DNAH14: variants seen among roughly 807,000 people sequenced by gnomAD.
DNAH14 encodes dynein axonemal heavy chain 14, also known as axonemal beta dynein heavy chain 14.
In DNAH14, 478 loss-of-function variants were observed where a neutral mutation model predicts 520.9. The ratio of observed to expected loss-of-function variants is 0.92; its 90% confidence interval spans 0.85 to 0.99. The LOEUF (loss-of-function observed/expected upper bound fraction) is 0.99, where lower values mean the gene tolerates loss of function less well. Ranked by LOEUF, DNAH14 falls within the 50% of genes least tolerant of loss-of-function variation. The pLI, the probability that DNAH14 is intolerant of heterozygous loss-of-function variation, is 0.00. For missense variants in DNAH14, 4,831 were observed against 5,234.5 expected (o/e 0.92, Z 2.38); for synonymous variants, 1,581 against 1,757.2 (o/e 0.90, Z 2.51).
chr1:225,065,271 G>T (rs547293913), intron 17 of DNAH14, among the ~76,000 whole-genome samples: 1 of 151,880 alleles, frequency 6.6e-6, no homozygotes, highest in South Asian at 2.1e-4. Flanking sequence ...GGTACAAAGT[G>T]ATGTAATGAT....
intron 40 of DNAH14, among the ~76,000 whole-genome samples, chr1:225,206,762 T>C (rs2087622343): frequency 6.6e-6 from 1 of 152,158 alleles, no homozygotes; most frequent in South Asian, 2.1e-4. Flanking sequence ...CCAATTGTTT[T>C]CTTGTAAGAC....
intron 15 of DNAH14, 97 bp from the exon 16 acceptor site, chr1:225,050,113 G>C: frequency 1.0e-6 from 1 of 1,004,854 alleles, no homozygotes; most frequent in South Asian, 2.2e-5. Flanking sequence ...TAATAAATCA[G>C]CCCCCATTTT....
chr1:225,003,924 A>C (rs1373802437), intron 9 of DNAH14, among the ~76,000 whole-genome samples: 1 of 152,060 alleles, frequency 6.6e-6, no homozygotes, highest in African/African-American at 2.4e-5. Flanking sequence ...ATTTTTAATG[A>C]TGGGTGGGAA....
chr1:225,191,767 G>C lies in DNAH14; in HGVS notation c.5671-929G>C, dbSNP rs909247759. ...CTTTTTTCTTTCTTCTCTTCAAATG[G>C]GTAATTTTGGCTTCCCTGTCTTCAG... On this transcript the variant is annotated intron_variant, in intron 37 of 85. Transcript: ENST00000682510. Among the ~76,000 whole-genome samples, 3 of 151,484 alleles carry C rather than the reference G, an allele frequency of 2.0e-5. No homozygotes were observed. The Admixed American group carries it at 2.0e-4, about 10-fold the overall frequency.
chr1:225,239,841 T>C (rs2091859695), intron 42 of DNAH14, among the ~76,000 whole-genome samples: 1 of 152,248 alleles, frequency 6.6e-6, no homozygotes, highest in Non-Finnish European at 1.5e-5. Flanking sequence ...TAAATTCCAG[T>C]TTAGTGACAT....
intron 23 of DNAH14, among the ~76,000 whole-genome samples, chr1:225,112,195 T>G (rs2076535846): frequency 6.6e-6 from 1 of 152,156 alleles, no homozygotes; most frequent in Admixed American, 6.5e-5. Flanking sequence ...GTTTTGAAAA[T>G]CTGTATGTCC....
At chr1:225,262,940 T>C (rs2092985874) in intron 46 of DNAH14, among the ~76,000 whole-genome samples, 1 of 151,912 alleles carries the variant, frequency 6.6e-6, no homozygotes, top group East Asian at 1.9e-4. Context: ...AGTATGGTCA[T>C]CAAATGTTAA....
intron 10 of DNAH14, among the ~76,000 whole-genome samples, chr1:225,018,448 G>A (rs2065390822): frequency 6.6e-6 from 1 of 152,178 alleles, no homozygotes; most frequent in Non-Finnish European, 1.5e-5. Flanking sequence ...AAAGAGGAGA[G>A]CAAGCCACTT....
At chr1:225,381,866 G>T (rs2095788140) in intron 81 of DNAH14, among the ~76,000 whole-genome samples, 1 of 152,160 alleles carries the variant, frequency 6.6e-6, no homozygotes, top group African/African-American at 2.4e-5. Flanking sequence ...TATAAGTGTT[G>T]AGTTTAATTG....
At position 225,272,983 on chromosome 1, in the gene DNAH14, G is replaced by A; in HGVS notation, c.7868G>A (p.Arg2623Lys). Residue 2623 changes from arginine to lysine, a missense_variant, in exon 52 of 86, where the codon AGG becomes AAG. Coordinates refer to ENST00000682510, the MANE Select transcript of DNAH14 (RefSeq NM_001367479.1). ...KLLLGLLQAD[R>K]TVVNSKEMAA... ...CTCCTAGGATTGCTGCAAGCTGACA[G>A]GACTGTTGTTAACTCCAAAGAGATG... The A allele has an allele frequency of 6.5e-7, 1 of 1,546,660 alleles. No individual in the cohort carries two copies. The highest frequency in any genetic ancestry group is 8.7e-7 in the Non-Finnish European group (1 of 1,145,786).
rs528058519 is a variant in DNAH14 at position 224,942,261 on chromosome 1, T to C, written c.-33-10409T>C. ...TTGGATTCCTAGGTATTTTATTCTC[T>C]TTGAAGCAATTGTGAATGGGAGTTC... On this transcript the variant is annotated intron_variant, in intron 1 of 85. Transcript: ENST00000682510. Among the ~76,000 whole-genome samples the C allele has an allele frequency of 3.9e-5, 6 of 152,302 alleles. No homozygotes were observed. The East Asian group carries it at 1.2e-3, about 29-fold the overall frequency.
At chr1:224,943,479 T>C (rs1056983151) in intron 1 of DNAH14, among the ~76,000 whole-genome samples, 1 of 152,182 alleles carries the variant, frequency 6.6e-6, no homozygotes, top group African/African-American at 2.4e-5. Context: ...AAGGGTTTTT[T>C]GTGTCTCTAT....
chr1:225,333,010 GA>G (rs1049347708), intron 65 of DNAH14, among the ~76,000 whole-genome samples: 4 of 150,610 alleles, frequency 2.7e-5, no homozygotes, highest in Admixed American at 6.6e-5. Flanking sequence ...GTCTCTAAAA[GA>G]AAAAAAAATT....
At chr1:224,999,307 A>G (rs1194756289) in intron 8 of DNAH14, among the ~76,000 whole-genome samples, 1 of 151,976 alleles carries the variant, frequency 6.6e-6, no homozygotes, top group East Asian at 1.9e-4. Flanking sequence ...CCCGGGTTCA[A>G]GCCATTCTCC....
chr1:225,331,678 A>C, intron 65 of DNAH14, 101 bp downstream of exon 65: 1 of 1,438,682 alleles, frequency 7.0e-7, no homozygotes, highest in Non-Finnish European at 9.4e-7. Flanking sequence ...ATACCTTCTA[A>C]AACTATCTAA....
Position 225,324,714 on chromosome 1 carries a change from A to T in DNAH14, c.9628-23A>T, listed in dbSNP as rs184636566. 132 of 1,540,468 alleles carry T rather than the reference A, an allele frequency of 8.6e-5. No homozygotes were observed. In the Middle Eastern group the frequency reaches 1.7e-3, roughly 20 times the overall value. On this transcript the variant is annotated intron_variant, in intron 63 of 85. Transcript: ENST00000682510. ...GTAAACCCGACGTTTTTGACACTTA[A>T]ATGTTCTGACATTCTCTTTAAGGTT...
intron 41 of DNAH14, among the ~76,000 whole-genome samples, chr1:225,222,444 G>A (rs914247615): frequency 2.0e-5 from 3 of 152,160 alleles, no homozygotes; most frequent in African/African-American, 4.8e-5. Context: ...CGGACCCAAA[G>A]AGTGACCAGC....
chr1:225,355,129 A>G lies in DNAH14; in HGVS notation c.11619+1241A>G, dbSNP rs774917750. On this transcript the variant is annotated intron_variant, in intron 73 of 85. Transcript: ENST00000682510. ...ATTGGGTAATTTATAAACAACGGAA[A>G]TGTACTGCTCACCACTCTGGAGGCT... Among the ~76,000 whole-genome samples the G allele has an allele frequency of 2.0e-5, 3 of 152,180 alleles. No homozygotes were observed. In the South Asian group the frequency reaches 6.2e-4, roughly 31 times the overall value.
chr1:225,398,677 T>C lies in DNAH14; in HGVS notation c.13638+11T>C, dbSNP rs2096059111. On this transcript the variant is annotated intron_variant, in intron 85 of 85. Transcript: ENST00000682510. Reference sequence around the variant, plus strand: ...TTTTTGCCAACAAAGGTAATCACCCTGCTATTATCCTGAAGTCCTAAACCT... The same window carrying C: ...TTTTTGCCAACAAAGGTAATCACCCCGCTATTATCCTGAAGTCCTAAACCT... The C allele has an allele frequency of 6.4e-7, 1 of 1,551,502 alleles. No individual in the cohort carries two copies. The highest frequency in any genetic ancestry group is 8.7e-7 in the Non-Finnish European group (1 of 1,146,770).
Sources: gnomAD v4.1 joint callset for allele counts (sites outside exome capture counted in the v4.1 genomes callset) on GRCh38, gnomAD v4.1.1 for gene constraint, MANE v1.5 for transcripts, NCBI Gene and HGNC (gene_info 2026-07-23, HGNC 2026-07-21) for gene names.